The following ADAMTSL1 variants were observed in gnomAD, a reference collection of about 807,000 sequenced individuals.
ADAMTSL1 encodes ADAMTS-like protein 1.
A neutral mutation model predicts 201.8 loss-of-function variants in ADAMTSL1; 126 were observed. The observed-to-expected ratio is 0.62, with a 90% CI of 0.54 to 0.72. The LOEUF (loss-of-function observed/expected upper bound fraction) is 0.72. Ranked by LOEUF, ADAMTSL1 falls within the 30% of genes least tolerant of loss-of-function variation. The pLI is 0.00. For synonymous variants in ADAMTSL1, 1,121 were observed against 903.4 expected (o/e 1.24, Z -4.32); for missense variants, 2,679 against 2,277.8 (o/e 1.18, Z -3.59).
At chr9:18,379,760 C>G (rs1247321641) in intron 2 of ADAMTSL1, among the ~76,000 whole-genome samples, 1 of 152,124 alleles carries the variant, frequency 6.6e-6, no homozygotes, top group Non-Finnish European at 1.5e-5. Flanking sequence ...AAAACATAAA[C>G]TATGTCATAG....
intron 2 of ADAMTSL1, among the ~76,000 whole-genome samples, chr9:18,288,005 G>A (rs1587476234): frequency 6.6e-6 from 1 of 152,180 alleles, no homozygotes; most frequent in Non-Finnish European, 1.5e-5. Flanking sequence ...GTTCTGCTTT[G>A]GATCATACCT....
At chr9:18,543,557 T>C (rs1425962106) in intron 3 of ADAMTSL1, among the ~76,000 whole-genome samples, 1 of 152,206 alleles carries the variant, frequency 6.6e-6, no homozygotes, top group African/African-American at 2.4e-5. Flanking sequence ...AGGTTGACTT[T>C]GGTTCAAAAC....
In ADAMTSL1 at chr9:18,906,696, G is replaced by A. The variant is rs1830328245; in HGVS notation, c.4966G>A (p.Val1656Met). The change falls in exon 28 of 29, where the codon GTG (valine) becomes ATG (methionine). Residue 1656 changes from valine to methionine, a missense_variant. Physicochemically the swap from Val to Met is conservative, Grantham distance 21. Coordinates refer to ENST00000380548, the MANE Select transcript of ADAMTSL1 (RefSeq NM_001040272.6). Reference sequence around the variant, plus strand: ...CCTGCCACCATCCTCCTGCAGGCCTGTGAGCACCCAGAACTGCTGGTCAGA... The same window carrying A: ...CCTGCCACCATCCTCCTGCAGGCCTATGAGCACCCAGAACTGCTGGTCAGA... ...SEQCSALPRP[V>M]STQNCWSEAC... 1 of 1,590,822 alleles carries A rather than the reference G, an allele frequency of 6.3e-7. No individual in the cohort carries two copies. The highest frequency in any genetic ancestry group is 8.6e-7 in the Non-Finnish European group (1 of 1,167,442).
At chr9:18,510,199 G>T (rs556559305) in intron 2 of ADAMTSL1, among the ~76,000 whole-genome samples, 9 of 152,254 alleles carry the variant, frequency 5.9e-5, no homozygotes, top group Admixed American at 3.9e-4. Flanking sequence ...CAATATGAAA[G>T]AAATGTAAAG....
intron 7 of ADAMTSL1, 62 bp downstream of exon 7, chr9:18,639,473 C>A (rs1213975377): frequency 1.3e-6 from 2 of 1,563,100 alleles, no homozygotes; most frequent in East Asian, 4.5e-5. Flanking sequence ...CTTATAATTT[C>A]CTGAGCAGAG....
intron 1 of ADAMTSL1, among the ~76,000 whole-genome samples, chr9:17,952,051 A>G (rs1256711466): frequency 6.6e-6 from 1 of 151,142 alleles, no homozygotes; most frequent in African/African-American, 2.4e-5. Context: ...ATTTTCCCGC[A>G]TCAGCCTCCT....
chr9:18,063,889 A>G (rs966504721), intron 1 of ADAMTSL1, among the ~76,000 whole-genome samples: 1 of 151,802 alleles, frequency 6.6e-6, no homozygotes, highest in African/African-American at 2.4e-5. Flanking sequence ...CACCTCCTTT[A>G]TGAGTGGGTG....
intron 20 of ADAMTSL1, among the ~76,000 whole-genome samples, chr9:18,806,534 A>G (rs933414768): frequency 6.6e-6 from 1 of 152,218 alleles, no homozygotes. Context: ...CAGTGCTTAC[A>G]ATGCTCTCTA....
At chr9:18,085,638 A>G (rs1401202495) in intron 1 of ADAMTSL1, among the ~76,000 whole-genome samples, 2 of 150,048 alleles carry the variant, frequency 1.3e-5, no homozygotes, top group East Asian at 3.9e-4. Context: ...CTGTGTGTGT[A>G]TATATATACA....
intron 5 of ADAMTSL1, among the ~76,000 whole-genome samples, chr9:18,626,874 T>C (rs60211165): frequency 3.2e-4 from 36 of 112,998 alleles, no homozygotes; most frequent in South Asian, 1.6e-3. Context: ...TTTCTGTCTT[T>C]CTTCCTTCCT....
chr9:18,496,872 C>T (rs1474953475), intron 1 of ADAMTSL1, among the ~76,000 whole-genome samples: 2 of 152,132 alleles, frequency 1.3e-5, no homozygotes, highest in East Asian at 3.9e-4. Flanking sequence ...TTTGGACGGA[C>T]CTCTGGTTAG....
At chr9:18,614,404 T>C (rs928745645) in intron 4 of ADAMTSL1, among the ~76,000 whole-genome samples, 2 of 152,188 alleles carry the variant, frequency 1.3e-5, no homozygotes, top group African/African-American at 4.8e-5. Flanking sequence ...CAAATCCTAG[T>C]AATGCGATTT....
intron 1 of ADAMTSL1, among the ~76,000 whole-genome samples, chr9:18,080,546 A>G (rs914779275): frequency 1.3e-5 from 2 of 152,256 alleles, no homozygotes; most frequent in East Asian, 3.8e-4. Context: ...TGTTGTCTCT[A>G]CAAAAAACTG....
chr9:18,031,950 C>A (rs929422527), intron 1 of ADAMTSL1, among the ~76,000 whole-genome samples: 1 of 152,144 alleles, frequency 6.6e-6, no homozygotes, highest in African/African-American at 2.4e-5. Flanking sequence ...TGGTATGGTG[C>A]CCACAGCCCA....
chr9:18,575,674 T>C (rs751667045), intron 4 of ADAMTSL1, among the ~76,000 whole-genome samples: 10 of 152,150 alleles, frequency 6.6e-5, no homozygotes, highest in Non-Finnish European at 1.5e-4. Context: ...TAACTCCCTA[T>C]GTATGTATAC....
intron 20 of ADAMTSL1, among the ~76,000 whole-genome samples, chr9:18,815,567 G>A (rs367897897): frequency 7.3e-5 from 11 of 151,242 alleles, no homozygotes; most frequent in Non-Finnish European, 1.3e-4. Flanking sequence ...TTCTATCCAG[G>A]TGTGATGGTA....
chr9:18,352,193 A>G (rs1353049341), intron 2 of ADAMTSL1, among the ~76,000 whole-genome samples: 1 of 152,214 alleles, frequency 6.6e-6, no homozygotes, highest in South Asian at 2.1e-4. Flanking sequence ...CAAATAGCAT[A>G]TACTATAGAT....
chr9:18,495,524 G>A (rs1822491999), intron 1 of ADAMTSL1, among the ~76,000 whole-genome samples: 1 of 152,148 alleles, frequency 6.6e-6, no homozygotes, highest in Non-Finnish European at 1.5e-5. Context: ...TTCATAATGG[G>A]AAAGTATGAC....
chr9:18,761,673 C>A (rs1820079547), intron 16 of ADAMTSL1, among the ~76,000 whole-genome samples: 1 of 152,126 alleles, frequency 6.6e-6, no homozygotes, highest in Non-Finnish European at 1.5e-5. Flanking sequence ...TGCATAAGAA[C>A]TGTTGGCCTC....
Sources: gnomAD v4.1 joint callset for allele counts (sites outside exome capture counted in the v4.1 genomes callset) on GRCh38, gnomAD v4.1.1 for gene constraint, MANE v1.5 for transcripts, NCBI Gene and HGNC (gene_info 2026-07-23, HGNC 2026-07-21) for gene names.